FAM118B: variants seen among roughly 807,000 people sequenced by gnomAD.
FAM118B encodes the protein protein FAM118B.
A neutral mutation model predicts 38.5 loss-of-function variants in FAM118B; 24 were observed. That is an observed-to-expected ratio of 0.62 (90% CI 0.45 to 0.88). The LOEUF is 0.88. Ranked by LOEUF, FAM118B falls within the 40% of genes least tolerant of loss-of-function variation. The pLI, the probability that FAM118B is intolerant of heterozygous loss-of-function variation, is 0.00. For synonymous variants in FAM118B, 138 were observed against 156.3 expected (o/e 0.88, Z 0.87); for missense variants, 334 against 420.0 (o/e 0.80, Z 1.79).
chr11:126,221,580 T>C (rs541709661), intron 1 of FAM118B, among the ~76,000 whole-genome samples: 11 of 151,950 alleles, frequency 7.2e-5, no homozygotes, highest in African/African-American at 2.4e-4. Context: ...CTTACATGGC[T>C]ATCTCCTGGG....
At chr11:126,258,027 C>A (rs934144743) in intron 7 of FAM118B, among the ~76,000 whole-genome samples, 1 of 152,134 alleles carries the variant, frequency 6.6e-6, no homozygotes. Flanking sequence ...CCATCTAATT[C>A]CAAAAAAACT....
At chr11:126,237,619 G>C (rs1950294608) in intron 3 of FAM118B, among the ~76,000 whole-genome samples, 1 of 138,006 alleles carries the variant, frequency 7.2e-6, no homozygotes, top group Non-Finnish European at 1.6e-5. Context: ...GGCAGATCGT[G>C]AGGTCAGGAG....
At chr11:126,215,426 C>T (rs976176832) in intron 1 of FAM118B, among the ~76,000 whole-genome samples, 7 of 152,266 alleles carry the variant, frequency 4.6e-5, no homozygotes, top group East Asian at 1.9e-4. Flanking sequence ...TGGCCAGGCG[C>T]GGTGGCTTAC....
At chr11:126,215,514 C>T (rs1362587096) in intron 1 of FAM118B, among the ~76,000 whole-genome samples, 2 of 151,048 alleles carry the variant, frequency 1.3e-5, no homozygotes, top group Non-Finnish European at 2.9e-5. Flanking sequence ...CTGGCTAACA[C>T]GGTGAAACCC....
At chr11:126,246,284 A>G (rs1950418719) in intron 4 of FAM118B, among the ~76,000 whole-genome samples, 1 of 152,176 alleles carries the variant, frequency 6.6e-6, no homozygotes, top group Non-Finnish European at 1.5e-5. Flanking sequence ...ATCTAACAGT[A>G]TCAACTCAGC....
Position 126,256,886 on chromosome 11 carries a change from G to A in FAM118B, c.982+34G>A, listed in dbSNP as rs375152749. On this transcript the variant is annotated intron_variant, in intron 7 of 8. Transcript: ENST00000533050. The surrounding 1 kb of genome is among the most constrained non-coding windows in gnomAD (Gnocchi z 6.6). ...CATTTTGAAGCTGAGGGGAATCAGA[G>A]AACAACAGCTCTTCAGCCTTTTGTG... The A allele has an allele frequency of 6.4e-6, 10 of 1,574,216 alleles. No homozygotes were observed. Among genetic ancestry groups the A allele is most frequent in the Non-Finnish European group, 8.6e-6 (10 of 1,157,046 alleles).
chr11:126,239,388 A>T (rs1950325525), intron 3 of FAM118B, among the ~76,000 whole-genome samples: 1 of 152,272 alleles, frequency 6.6e-6, no homozygotes, highest in South Asian at 2.1e-4. Flanking sequence ...TTTAACCACT[A>T]TTTATACATC....
rs1216386496 is a variant in FAM118B, at chr11:126,261,603, T to C, written c.1042+119T>C. 8.1e-6 allele frequency: 6 copies of C among 738,164 alleles called. No individual in the cohort carries two copies. In the Admixed American group the frequency reaches 1.2e-4, roughly 15 times the overall value. 45.7% of individuals were successfully genotyped at this position (738,164 alleles called of 1,614,324 possible). Reference sequence around the variant, plus strand: ...CACATTGCCAAATTTTAAAAAACACTGTAGAGAATGATTTTCCTCTCCTAC... The same window carrying C: ...CACATTGCCAAATTTTAAAAAACACCGTAGAGAATGATTTTCCTCTCCTAC... On this transcript the variant is annotated intron_variant, in intron 8 of 8. Transcript: ENST00000533050.
intron 1 of FAM118B, among the ~76,000 whole-genome samples, chr11:126,228,256 T>C (rs895898821): frequency 6.6e-6 from 1 of 152,134 alleles, no homozygotes; most frequent in Admixed American, 6.5e-5. Flanking sequence ...TGGAGTGCAG[T>C]GGCATAATCT....
Position 126,235,031 on chromosome 11 carries a change from T to TA in FAM118B, c.31dup (p.Ile11AsnfsTer28). ...CTTCTACAGGGAGCCAGGCCTCTGA[T>TA]ATAGACGAGATTTTTGGATTCTTCA... On this transcript the variant is annotated frameshift_variant, in exon 3 of 9. Coordinates refer to ENST00000533050, the MANE Select transcript of FAM118B (RefSeq NM_024556.4). LOFTEE classifies it high-confidence loss of function. 1 of 1,614,146 alleles carries TA rather than the reference T, an allele frequency of 6.2e-7. No individual in the cohort carries two copies. Among genetic ancestry groups the TA allele is most frequent in the Non-Finnish European group, 8.5e-7 (1 of 1,180,020 alleles).
intron 6 of FAM118B, 121 bp downstream of exon 6, chr11:126,254,554 T>A (rs1203524227): frequency 7.6e-7 from 1 of 1,323,596 alleles, no homozygotes; most frequent in East Asian, 2.4e-5. Flanking sequence ...GGTCAGGGGC[T>A]AGGAGCAGTG....
At chr11:126,261,531 CT>C (rs763531166) in intron 8 of FAM118B, 47 bp downstream of exon 8, 1 of 1,483,700 alleles carries the variant, frequency 6.7e-7, no homozygotes, top group Non-Finnish European at 9.4e-7. Context: ...AGCAGAAAGT[CT>C]TTCTAGGTCC....
intron 7 of FAM118B, among the ~76,000 whole-genome samples, chr11:126,259,822 G>A (rs537256233): frequency 9.2e-5 from 14 of 151,924 alleles, no homozygotes; most frequent in African/African-American, 2.9e-4. Flanking sequence ...CTGGGTTCAC[G>A]CCATTCTCCT....
rs959006405 is a variant in FAM118B, at chr11:126,244,235, C to T, written c.339+3191C>T. ...CCTGTCCAACATGGTGCTGGATGTT[C>T]TAGACCGGGCAGTTAAGCAAGAAAA... On this transcript the variant is annotated intron_variant, in intron 4 of 8. Coordinates refer to ENST00000533050, the MANE Select transcript of FAM118B (RefSeq NM_024556.4). This position sits in a 1 kb window ranked among gnomAD's most constrained non-coding sequence, Gnocchi z 4.5. 6.6e-6 allele frequency among the ~76,000 whole-genome samples: 1 copy of T among 152,116 alleles called. No individual in the cohort carries two copies. Among genetic ancestry groups the T allele is most frequent in the Non-Finnish European group, 1.5e-5 (1 of 68,032 alleles).
intron 2 of FAM118B, among the ~76,000 whole-genome samples, chr11:126,231,947 G>A (rs1950211611): frequency 2.0e-5 from 3 of 152,176 alleles, no homozygotes; most frequent in Admixed American, 1.3e-4. Context: ...CATCAATGGA[G>A]TACCTAGTTA....
intron 8 of FAM118B, 32 bp from the exon 9 acceptor site, chr11:126,262,088 T>A: frequency 6.2e-7 from 1 of 1,613,836 alleles, no homozygotes; most frequent in South Asian, 1.1e-5. Context: ...TTTGTGAAAC[T>A]TCATTTTGTT....
chr11:126,227,621 A>T (rs779752553), intron 1 of FAM118B, among the ~76,000 whole-genome samples: 1 of 152,014 alleles, frequency 6.6e-6, no homozygotes. Flanking sequence ...ACACGAATCT[A>T]CTTCATATCT....
At position 126,262,211 on chromosome 11, in the gene FAM118B, A is replaced by C; in HGVS notation, c.*78A>C. 1.3e-6 allele frequency: 2 copies of C among 1,499,452 alleles called. No individual in the cohort carries two copies. Among genetic ancestry groups the C allele is most frequent in the Non-Finnish European group, 1.9e-6 (2 of 1,078,522 alleles). 92.9% of individuals were successfully genotyped at this position (1,499,452 alleles called of 1,614,324 possible). ...GACAGTGTTTAACAAGTAAACTTAC[A>C]AGAACCCAACACAATTCCCAGAAAG... is the stretch of plus-strand genomic sequence containing the variant. On this transcript the variant is annotated 3_prime_UTR_variant, in exon 9 of 9. Transcript: ENST00000533050.
intron 7 of FAM118B, among the ~76,000 whole-genome samples, chr11:126,258,739 T>A (rs1950621450): frequency 6.6e-6 from 1 of 152,254 alleles, no homozygotes; most frequent in African/African-American, 2.4e-5. Flanking sequence ...ATATCCAAGT[T>A]CTACATATTT....
Sources: gnomAD v4.1 joint callset for allele counts (sites outside exome capture counted in the v4.1 genomes callset) on GRCh38, gnomAD v4.1.1 for gene constraint, Gnocchi (gnomAD v3.1) non-coding constraint, MANE v1.5 for transcripts, NCBI Gene and HGNC (gene_info 2026-07-23, HGNC 2026-07-21) for gene names.